USH2A: variants seen among roughly 807,000 people sequenced by gnomAD.
USH2A encodes usherin.
In USH2A, 443 loss-of-function variants were observed where a neutral mutation model predicts 538.9. That is an observed-to-expected ratio of 0.82 (90% CI 0.76 to 0.89). The LOEUF (loss-of-function observed/expected upper bound fraction) is 0.89, where lower values mean the gene tolerates loss of function less well. USH2A is among the 40% of genes least tolerant of loss of function. The pLI, the probability that USH2A is intolerant of heterozygous loss-of-function variation, is 0.00. For synonymous variants in USH2A, 2,413 were observed against 2,273.5 expected (o/e 1.06, Z -1.75); for missense variants, 6,633 against 6,324.8 (o/e 1.05, Z -1.65).
intron 69 of USH2A, among the ~76,000 whole-genome samples, chr1:215,635,787 C>A (rs1212787965): frequency 6.6e-6 from 1 of 152,072 alleles, no homozygotes; most frequent in African/African-American, 2.4e-5. Flanking sequence ...ATCTCACGAC[C>A]TCATGATCCG....
At chr1:215,901,122 G>A (rs1015828578) in intron 38 of USH2A, 1 of 597,042 alleles carries the variant, frequency 1.7e-6, no homozygotes, top group Admixed American at 2.7e-5. Flanking sequence ...TTAAAAGCCG[G>A]CCCCCAAACA....
intron 32 of USH2A, among the ~76,000 whole-genome samples, chr1:216,024,269 C>A (rs1313982386): frequency 2.0e-5 from 3 of 152,032 alleles, no homozygotes; most frequent in Non-Finnish European, 4.4e-5. Flanking sequence ...ATCACTGGAG[C>A]TTTAGGCCTC....
intron 56 of USH2A, among the ~76,000 whole-genome samples, chr1:215,765,640 G>C (rs1661106320): frequency 6.6e-6 from 1 of 151,980 alleles, no homozygotes; most frequent in Admixed American, 6.5e-5. Flanking sequence ...AATGACACCA[G>C]CCATCCCACC....
chr1:216,375,964 CA>C (rs1157049535), intron 3 of USH2A, among the ~76,000 whole-genome samples: 1 of 152,066 alleles, frequency 6.6e-6, no homozygotes, highest in East Asian at 1.9e-4. Flanking sequence ...ATAACACACA[CA>C]ACATTTATTG....
intron 61 of USH2A, among the ~76,000 whole-genome samples, chr1:215,697,719 C>T (rs972728159): frequency 2.6e-5 from 4 of 152,108 alleles, no homozygotes; most frequent in African/African-American, 7.2e-5. Context: ...TGGCGTTTCT[C>T]CATGTTGGTC....
At chr1:216,349,923 C>T (rs1034925693) in intron 4 of USH2A, among the ~76,000 whole-genome samples, 7 of 151,966 alleles carry the variant, frequency 4.6e-5, no homozygotes, top group African/African-American at 1.7e-4. Context: ...AAAGAAATAC[C>T]TGAGGCTGGG....
At chr1:216,229,505 G>T (rs2035632746) in intron 14 of USH2A, among the ~76,000 whole-genome samples, 1 of 151,924 alleles carries the variant, frequency 6.6e-6, no homozygotes, top group South Asian at 2.1e-4. Context: ...TACAGAGATG[G>T]GGTTTTGCCA....
chr1:215,745,594 A>G (rs1438676874), intron 58 of USH2A, among the ~76,000 whole-genome samples: 1 of 152,318 alleles, frequency 6.6e-6, no homozygotes, highest in South Asian at 2.1e-4. Flanking sequence ...GAATGAATGA[A>G]CGAACCCTCA....
At chr1:216,253,638 A>G (rs1396008968) in intron 11 of USH2A, among the ~76,000 whole-genome samples, 1 of 152,094 alleles carries the variant, frequency 6.6e-6, no homozygotes, top group Non-Finnish European at 1.5e-5. Flanking sequence ...CTGACCCTAC[A>G]CTTCTGCTTC....
intron 69 of USH2A, 41 bp downstream of exon 69, chr1:215,639,114 G>A (rs747310986): frequency 1.9e-6 from 3 of 1,578,826 alleles, no homozygotes; most frequent in Non-Finnish European, 8.7e-7. Flanking sequence ...TCTTGAGGAA[G>A]ATGAATAGGT....
At chr1:215,862,269 A>G (rs1664337070) in intron 44 of USH2A, among the ~76,000 whole-genome samples, 1 of 152,210 alleles carries the variant, frequency 6.6e-6, no homozygotes, top group Non-Finnish European at 1.5e-5. Context: ...TTGTAGGGAC[A>G]TGGATGAAGC....
intron 64 of USH2A, among the ~76,000 whole-genome samples, chr1:215,669,077 A>G (rs569594909): frequency 6.6e-6 from 1 of 152,258 alleles, no homozygotes; most frequent in African/African-American, 2.4e-5. Context: ...AAAAACTGGA[A>G]TGAGACTTCC....
chr1:216,007,441 G>T (rs1668426257), intron 32 of USH2A, among the ~76,000 whole-genome samples: 1 of 152,142 alleles, frequency 6.6e-6, no homozygotes, highest in Admixed American at 6.5e-5. Flanking sequence ...GGAGAAATAG[G>T]AAGTATGGAG....
intron 55 of USH2A, among the ~76,000 whole-genome samples, chr1:215,773,182 T>C (rs1170990438): frequency 1.3e-5 from 2 of 152,232 alleles, no homozygotes; most frequent in African/African-American, 4.8e-5. Context: ...AGCTGGGTGC[T>C]TGCATGGGTG....
chr1:215,722,087 G>T (rs944403986), intron 61 of USH2A, among the ~76,000 whole-genome samples: 3 of 137,474 alleles, frequency 2.2e-5, no homozygotes, highest in Non-Finnish European at 4.7e-5. Context: ...AAAAAAAAGG[G>T]TTAGGCCGAC....
chr1:215,901,151 C>T, intron 38 of USH2A: 1 of 522,302 alleles, frequency 1.9e-6, no homozygotes, highest in Non-Finnish European at 3.5e-6. Context: ...AATGAATATG[C>T]AGCACATTCC....
In USH2A at chr1:216,293,224, C is replaced by T. The variant is rs111806150; in HGVS notation, c.1645-854G>A. 1.6e-3 allele frequency among the ~76,000 whole-genome samples: 238 copies of T among 152,212 alleles called. 2 individuals carry two copies. Among genetic ancestry groups the T allele is most frequent in the Middle Eastern group, 0.01 (3 of 294 alleles). On this transcript the variant is annotated intron_variant, in intron 9 of 71. Coordinates refer to ENST00000307340, the MANE Select transcript of USH2A (RefSeq NM_206933.4). The stretch of plus-strand genomic sequence containing the variant: ...TATTTTTAGTAGAGACGGGGTTTCA[C>T]CCTGTTAGCCAGCATGGTCTCGATC...
intron 55 of USH2A, among the ~76,000 whole-genome samples, chr1:215,773,198 G>A (rs1355772703): frequency 6.6e-6 from 1 of 152,072 alleles, no homozygotes; most frequent in African/African-American, 2.4e-5. Flanking sequence ...GGGTGAATGT[G>A]GGCAGGAACT....
chr1:215,688,610 C>A (rs1269584865), intron 61 of USH2A, among the ~76,000 whole-genome samples: 1 of 152,090 alleles, frequency 6.6e-6, no homozygotes, highest in African/African-American at 2.4e-5. Context: ...TCATGGTTGG[C>A]TTCTGGTGAA....
Sources: allele counts gnomAD v4.1 joint callset (sites outside exome capture counted in the v4.1 genomes callset), GRCh38; gene constraint gnomAD v4.1.1; transcripts MANE v1.5; gene names NCBI Gene and HGNC (gene_info 2026-07-23, HGNC 2026-07-21).